BAG6: variants seen among roughly 807,000 people sequenced by gnomAD.
The protein encoded by BAG6 is large proline-rich protein BAG6.
BAG6 carries 22 observed loss-of-function variants against 121.0 expected under a neutral mutation model. That is an observed-to-expected ratio of 0.18 (90% CI 0.13 to 0.26). BAG6 has a LOEUF of 0.26. Ranked by LOEUF, BAG6 falls within the 10% of genes least tolerant of loss-of-function variation. The pLI is 1.00. For synonymous variants in BAG6, 583 were observed against 584.6 expected (o/e 1.00, Z 0.04); for missense variants, 1,233 against 1,537.7 (o/e 0.80, Z 3.31).
rs1228056981 is a variant in BAG6, at chr6:31,640,508, G to A, written c.3015C>T (p.Ala1005=). ...TGGCCTCTTCTGCTGTTGTTCCAGG[G>A]GCTGGGGAAGCATTCTCCCGCTGGG... The part of the protein sequence containing the change: ...PEPQRENASP[A]PGTTAEEAMS... The change falls in exon 23 of 26, where the codon GCC becomes GCT. Residue 1005 remains alanine (A), a synonymous_variant. Transcript: ENST00000676615. The surrounding 1 kb of genome is among the most constrained non-coding windows in gnomAD (Gnocchi z 4.2). 1 of 1,612,984 alleles carries A rather than the reference G, an allele frequency of 6.2e-7. No individual in the cohort carries two copies. Among genetic ancestry groups the A allele is most frequent in the Admixed American group, 1.7e-5 (1 of 60,030 alleles).
intron 8 of BAG6, 51 bp downstream of exon 8, chr6:31,646,343 T>C (rs2150892548): frequency 6.3e-7 from 1 of 1,592,034 alleles, no homozygotes; most frequent in South Asian, 1.1e-5. Context: ...CCTGTTCTGT[T>C]TTGGGAGTAC....
intron 8 of BAG6, among the ~76,000 whole-genome samples, chr6:31,645,871 C>T (rs1788594397): frequency 6.6e-6 from 1 of 152,238 alleles, no homozygotes; most frequent in South Asian, 2.1e-4. Flanking sequence ...TTCAGGGGCA[C>T]AAGGGGTACG....
Position 31,648,718 on chromosome 6 carries a change from G to A in BAG6, c.511C>T (p.His171Tyr). 1 of 1,614,042 alleles carries A rather than the reference G, an allele frequency of 6.2e-7. No homozygotes were observed. The highest frequency in any genetic ancestry group is 1.3e-5 in the African/African-American group (1 of 74,980). ...EPRVRLVMAQ[H>Y]MIRDIQTLLS... ...AAGGTCTGTATATCCCTGATCATGT[G>A]CTGAGCCATCACCAGCCGTACCCGG... The change falls in exon 6 of 26, where the codon CAC becomes TAC. Residue 171 changes from histidine (H) to tyrosine (Y), a missense_variant. By Grantham distance (83) the His-to-Tyr change is moderately conservative (BLOSUM62 2). This residue lies in a region of BAG6 where 777 missense variants were observed against 861.4 expected (regional missense o/e 0.90). Coordinates refer to ENST00000676615, the MANE Select transcript of BAG6 (RefSeq NM_001387994.1).
Position 31,639,059 on chromosome 6 carries a change from T to C in BAG6, c.*72A>G. The C allele has an allele frequency of 7.5e-7, 1 of 1,338,878 alleles. No individual in the cohort carries two copies. Among genetic ancestry groups the C allele is most frequent in the Non-Finnish European group, 1.0e-6 (1 of 966,464 alleles). 82.9% of individuals were successfully genotyped at this position (1,338,878 alleles called of 1,614,324 possible). A position where few individuals can be genotyped will look rare whatever the true frequency, so the allele number is the denominator to read the frequency against. On this transcript the variant is annotated 3_prime_UTR_variant, in exon 26 of 26. Transcript: ENST00000676615. ...GAAAGCAGCCAGAAAAATCCGACTT[T>C]TATTTCTTAAATACTGTGAAGGAAG...
chr6:31,640,390 G>T lies in BAG6; in HGVS notation c.3133C>A (p.Pro1045Thr). 1 of 1,614,162 alleles carries T rather than the reference G, an allele frequency of 6.2e-7. No individual in the cohort carries two copies. Among genetic ancestry groups the T allele is most frequent in the Non-Finnish European group, 8.5e-7 (1 of 1,180,036 alleles). Residue 1045 changes from proline to threonine, a missense_variant, in exon 23 of 26, where the codon CCC becomes ACC. Physicochemically the swap from Pro to Thr is conservative, Grantham distance 38 (BLOSUM62 -1). Transcript: ENST00000676615. This position sits in a 1 kb window ranked among gnomAD's most constrained non-coding sequence, Gnocchi z 4.2. Reference sequence around the variant, plus strand: ...GATTACTTCCTGACACTTACTGGGGGGACTGCAGCTGCCCAAGGTTCTGTC... The same window carrying T: ...GATTACTTCCTGACACTTACTGGGGTGACTGCAGCTGCCCAAGGTTCTGTC... ...AETEPWAAAVPPEWVPIIQQD... is the reference protein window; with the variant it reads ...AETEPWAAAVTPEWVPIIQQD...
chr6:31,649,938 C>T (rs1211842974), intron 2 of BAG6, among the ~76,000 whole-genome samples: 1 of 151,584 alleles, frequency 6.6e-6, no homozygotes, highest in Admixed American at 6.6e-5. Context: ...CCCTTTTTTA[C>T]CAAAAATACA....
intron 2 of BAG6, among the ~76,000 whole-genome samples, chr6:31,650,703 C>T (rs936643592): frequency 6.6e-6 from 1 of 151,456 alleles, no homozygotes; most frequent in Non-Finnish European, 1.5e-5. Context: ...AATATTTTTC[C>T]TAACTACAAA....
chr6:31,645,893 G>C (rs1363571560), intron 8 of BAG6, among the ~76,000 whole-genome samples: 6 of 152,262 alleles, frequency 3.9e-5, no homozygotes, highest in Non-Finnish European at 8.8e-5. Flanking sequence ...TACGAGGACA[G>C]TGCTTACAGC....
At chr6:31,648,623 G>A (rs1792851459) in intron 6 of BAG6, 54 bp downstream of exon 6, 1 of 1,575,106 alleles carries the variant, frequency 6.3e-7, no homozygotes, top group South Asian at 1.1e-5. Context: ...CCCAGGCTGA[G>A]AGAAAAGGGA....
Position 31,644,317 on chromosome 6 carries a change from G to A in BAG6, c.1545C>T (p.Ser515=), listed in dbSNP as rs1037015966. 8.4e-6 allele frequency: 13 copies of A among 1,551,680 alleles called. No homozygotes were observed. The highest frequency in any genetic ancestry group is 2.4e-5 in the South Asian group (2 of 84,028). The part of the protein sequence containing the change: ...THQAMVAAVA[S]AAAGQQVPGF... ...CTTCCAGGTCATTACCTGCGGCCGCGGAGGCAACAGCTGCCACCATGGCCT... is the reference window on the plus strand; with the variant it reads ...CTTCCAGGTCATTACCTGCGGCCGCAGAGGCAACAGCTGCCACCATGGCCT... The change falls in exon 12 of 26, where the codon TCC becomes TCT. Residue 515 remains serine (S), a synonymous_variant. Transcript: ENST00000676615. The surrounding 1 kb of genome is among the most constrained non-coding windows in gnomAD (Gnocchi z 4.9).
chr6:31,647,448 G>C (rs1026499471), intron 7 of BAG6, 143 bp downstream of exon 7: 17 of 1,234,778 alleles, frequency 1.4e-5, no homozygotes, highest in Non-Finnish European at 1.7e-5. Context: ...CCTATACCGA[G>C]AGAGCCCCTC....
chr6:31,641,560 T>C lies in BAG6; in HGVS notation c.2538A>G (p.Glu846=). ...MATHTLITGL[E]EYVRESFSLV... ...TCACAAAACTCTCCCGCACATACTCTTCTAGCCCCGTGATCAATGTGTGGG... is the reference window on the plus strand; with the variant it reads ...TCACAAAACTCTCCCGCACATACTCCTCTAGCCCCGTGATCAATGTGTGGG... Residue 846 remains glutamate, a synonymous_variant, in exon 18 of 26, where the codon GAA becomes GAG. Transcript: ENST00000676615. The surrounding 1 kb of genome is among the most constrained non-coding windows in gnomAD (Gnocchi z 5.7). The C allele has an allele frequency of 1.5e-5, 25 of 1,614,134 alleles. No homozygotes were observed. Among genetic ancestry groups the C allele is most frequent in the Non-Finnish European group, 1.9e-5 (23 of 1,179,992 alleles).
intron 1 of BAG6, 115 bp downstream of exon 1, chr6:31,652,309 A>C: frequency 6.6e-6 from 1 of 150,394 alleles, no homozygotes; most frequent in Non-Finnish European, 1.4e-5. Context: ...GGCACAACTA[A>C]CCCACAGCCA....
At position 31,642,150 on chromosome 6, in the gene BAG6, G is replaced by C. The variant is rs1203950941; in HGVS notation, c.2297C>G (p.Ser766Cys). ...IAAFIQRLSG[S>C]SNIFEPGADG... ...AGCTCCAGGCTCAAAGATGTTGCTG[G>C]ATCCACTGAGGCGTTGTATGAAGGC... The change falls in exon 16 of 26, where the codon TCC becomes TGC. Residue 766 changes from serine (S) to cysteine (C), a missense_variant. Around this residue, in one of 7 missense-constraint regions of BAG6, gnomAD observed 288 missense variants for 483.1 expected, o/e 0.60. Coordinates refer to ENST00000676615, the MANE Select transcript of BAG6 (RefSeq NM_001387994.1). 2.2e-5 allele frequency: 35 copies of C among 1,612,744 alleles called. No homozygotes were observed. The highest frequency in any genetic ancestry group is 2.9e-5 in the Non-Finnish European group (34 of 1,179,950).
chr6:31,651,699 T>C lies in BAG6; in HGVS notation c.65A>G (p.Lys22Arg). Residue 22 changes from lysine to arginine, a missense_variant, in exon 2 of 26, where the codon AAG (lysine) becomes AGG (arginine). Coordinates refer to ENST00000676615, the MANE Select transcript of BAG6 (RefSeq NM_001387994.1). ...GGTACGAGTTTGAGAGTCCAAGGTCTTCACCAACACCTCCAAGCTGTCAGG... is the reference window on the plus strand; with the variant it reads ...GGTACGAGTTTGAGAGTCCAAGGTCCTCACCAACACCTCCAAGCTGTCAGG... ...EEPDSLEVLV[K>R]TLDSQTRTFI... The C allele has an allele frequency of 6.2e-7, 1 of 1,613,068 alleles. No individual in the cohort carries two copies. Among genetic ancestry groups the C allele is most frequent in the Non-Finnish European group, 8.5e-7 (1 of 1,180,030 alleles).
Position 31,649,505 on chromosome 6 carries a change from C to A in BAG6, c.226+5G>T. The A allele has an allele frequency of 6.2e-7, 1 of 1,614,160 alleles. No homozygotes were observed. The highest frequency in any genetic ancestry group is 8.5e-7 in the Non-Finnish European group (1 of 1,179,960). On this transcript the variant is annotated splice_donor_5th_base_variant and intron_variant, in intron 3 of 25. Coordinates refer to ENST00000676615, the MANE Select transcript of BAG6 (RefSeq NM_001387994.1). ...ACCTCTGAACTGCCTCCCCAGCCCC[C>A]TTACTGTATTCCTGAAGCTTCTTAT...
intron 14 of BAG6, among the ~76,000 whole-genome samples, 171 bp downstream of exon 14, chr6:31,643,719 C>G (rs12214376): frequency 5.1e-5 from 1 of 19,742 alleles, no homozygotes; most frequent in Non-Finnish European, 8.6e-5. Flanking sequence ...GAGACTCCAT[C>G]TCAAAAAAAA....
Sources: gnomAD v4.1 joint callset for allele counts (sites outside exome capture counted in the v4.1 genomes callset) on GRCh38, gnomAD v4.1.1 for gene constraint, gnomAD v4.1.1 regional missense constraint, Gnocchi (gnomAD v3.1) non-coding constraint, MANE v1.5 for transcripts, NCBI Gene and HGNC (gene_info 2026-07-23, HGNC 2026-07-21) for gene names.